The following ZNF366 variants were observed in gnomAD, a reference collection of about 807,000 sequenced individuals.
ZNF366 encodes dendritic cell-specific transcript protein.
In ZNF366, 20 loss-of-function variants were observed where a neutral mutation model predicts 47.2. The observed-to-expected ratio is 0.42, with a 90% CI of 0.30 to 0.62. ZNF366 has a LOEUF of 0.62. Ranked by LOEUF, ZNF366 falls within the 20% of genes least tolerant of loss-of-function variation. The pLI is 0.16. For missense variants in ZNF366, 987 were observed against 976.3 expected, an observed-to-expected ratio of 1.01 and a Z score of -0.15; for synonymous variants, 421 against 395.1, an observed-to-expected ratio of 1.07 and a Z score of -0.78.
intron 1 of ZNF366, among the ~76,000 whole-genome samples, chr5:72,479,642 T>C (rs966985488): frequency 6.6e-6 from 1 of 152,182 alleles, no homozygotes; most frequent in Non-Finnish European, 1.5e-5. Flanking sequence ...ATACTAATGA[T>C]GAATTTTTTA....
rs550142535 is a variant in ZNF366 at position 72,486,761 on chromosome 5, T to C, written c.-15+20490A>G. 9.2e-4 allele frequency among the ~76,000 whole-genome samples: 140 copies of C among 152,130 alleles called. 3 individuals are homozygous for C. The highest frequency in any genetic ancestry group is 6.8e-3 in the Middle Eastern group (2 of 294). ...GCCATTTGTTACTGCCTGGCTTATA[T>C]CTTTGTTCTTTTATTTTCCTTTTCT... On this transcript the variant is annotated intron_variant, in intron 1 of 4. Coordinates refer to ENST00000318442, the MANE Select transcript of ZNF366 (RefSeq NM_152625.3).
intron 1 of ZNF366, among the ~76,000 whole-genome samples, chr5:72,476,934 ATTT>A (rs371617717): frequency 2.7e-5 from 4 of 147,152 alleles, no homozygotes; most frequent in Non-Finnish European, 1.5e-5. Flanking sequence ...GGGCTGTGGG[ATTT>A]TTTTTTTTCA....
chr5:72,488,049 T>A (rs576091353), intron 1 of ZNF366, among the ~76,000 whole-genome samples: 1 of 151,756 alleles, frequency 6.6e-6, no homozygotes, highest in African/African-American at 2.4e-5. Flanking sequence ...CTACTAAAAA[T>A]ACAAAAAAAT....
intron 1 of ZNF366, among the ~76,000 whole-genome samples, chr5:72,462,515 C>CTTTT (rs1448317890): frequency 5.7e-5 from 4 of 70,702 alleles, no homozygotes. Context: ...AGTTTTCTTT[C>CTTTT]TTTCTTTCTT....
chr5:72,474,360 G>T (rs1030440551), intron 1 of ZNF366, among the ~76,000 whole-genome samples: 1 of 151,896 alleles, frequency 6.6e-6, no homozygotes, highest in South Asian at 2.1e-4. Flanking sequence ...ACACAAAGGA[G>T]AAAGGACAGG....
intron 1 of ZNF366, among the ~76,000 whole-genome samples, chr5:72,501,823 A>ATTTTTT (rs1400661328): frequency 6.6e-6 from 1 of 152,244 alleles, no homozygotes; most frequent in Non-Finnish European, 1.5e-5. Flanking sequence ...AATAAAATGC[A>ATTTTTT]ACAACAGTCT....
chr5:72,488,000 G>A (rs939317199), intron 1 of ZNF366, among the ~76,000 whole-genome samples: 6 of 152,110 alleles, frequency 3.9e-5, no homozygotes, highest in African/African-American at 1.4e-4. Flanking sequence ...GAGGTCAGGA[G>A]TTCGAGACCA....
At chr5:72,488,467 C>G (rs1743939536) in intron 1 of ZNF366, among the ~76,000 whole-genome samples, 1 of 152,168 alleles carries the variant, frequency 6.6e-6, no homozygotes, top group Non-Finnish European at 1.5e-5. Flanking sequence ...CAGAGTAACT[C>G]TTTTCTTATT....
chr5:72,441,095 A>T lies in ZNF366; in HGVS notation c.*2661T>A, dbSNP rs543868870. The T allele has an allele frequency of 6.6e-6, 1 of 152,258 alleles. No individual in the cohort carries two copies. Among genetic ancestry groups the T allele is most frequent in the African/African-American group, 2.4e-5 (1 of 41,558 alleles). The allele number at this position is 152,258 out of a possible 1,614,324, so 9.4% of individuals were successfully genotyped here. On this transcript the variant is annotated 3_prime_UTR_variant, in exon 5 of 5. Coordinates refer to ENST00000318442, the MANE Select transcript of ZNF366 (RefSeq NM_152625.3). Reference sequence around the variant, plus strand: ...GCCTAAAGATGACCTCTGGCTTCTCAAAACACAATCTGAAAACCACCATTC... The same window carrying T: ...GCCTAAAGATGACCTCTGGCTTCTCTAAACACAATCTGAAAACCACCATTC...
Position 72,443,904 on chromosome 5 carries a change from C to T in ZNF366, c.2087G>A (p.Arg696Lys), listed in dbSNP as rs150318032. The change falls in exon 5 of 5, where the codon AGA becomes AAA. Residue 696 changes from arginine (R) to lysine (K), a missense_variant. Physicochemically the swap from Arg to Lys is conservative, Grantham distance 26. Coordinates refer to ENST00000318442, the MANE Select transcript of ZNF366 (RefSeq NM_152625.3). ...AGCCCTGAGACTGAGACACTCATCT[C>T]TGCCGGCACAGTCTCTCTCCTGGCC... ...EGGQERDCAG[R>K]DECLSLRAFQ... 3.1e-6 allele frequency: 5 copies of T among 1,614,232 alleles called. No individual in the cohort carries two copies. In the East Asian group the frequency reaches 8.9e-5, roughly 29 times the overall value.
At chr5:72,457,320 C>T (rs979551986) in intron 2 of ZNF366, among the ~76,000 whole-genome samples, 2 of 152,196 alleles carry the variant, frequency 1.3e-5, no homozygotes, top group African/African-American at 4.8e-5. Context: ...TAATTGAGAG[C>T]ATTTCCAGGG....
In ZNF366 at chr5:72,447,428, TG is replaced by T. The variant is rs756738764; in HGVS notation, c.1525-12del. 20 of 1,613,966 alleles carry T rather than the reference TG, an allele frequency of 1.2e-5. No individual in the cohort carries two copies. The highest frequency in any genetic ancestry group is 1.7e-5 in the Non-Finnish European group (20 of 1,179,986). ...TTCCTTCCCACAAAGCTGTTGAAGA[TG>T]GGGATGAGAACACAGGTTACTCTGC... On this transcript the variant is annotated splice_polypyrimidine_tract_variant and intron_variant, in intron 3 of 4. Transcript: ENST00000318442.
intron 1 of ZNF366, among the ~76,000 whole-genome samples, chr5:72,472,793 G>C (rs1030969406): frequency 6.6e-6 from 1 of 152,094 alleles, no homozygotes. Flanking sequence ...GTCCTTCCCC[G>C]GGGCCCTAAT....
At chr5:72,490,308 C>T (rs765457537) in intron 1 of ZNF366, among the ~76,000 whole-genome samples, 11 of 152,198 alleles carry the variant, frequency 7.2e-5, no homozygotes, top group South Asian at 4.1e-4. Flanking sequence ...TAGAAAACCA[C>T]GTCTTTTGAG....
chr5:72,468,897 G>C (rs1039149125), intron 1 of ZNF366, among the ~76,000 whole-genome samples: 1 of 152,178 alleles, frequency 6.6e-6, no homozygotes, highest in African/African-American at 2.4e-5. Flanking sequence ...CTTATAGATG[G>C]TGCTCTAACT....
At chr5:72,474,673 CACAG>C (rs1179754333) in intron 1 of ZNF366, among the ~76,000 whole-genome samples, 7 of 151,860 alleles carry the variant, frequency 4.6e-5, no homozygotes, top group Non-Finnish European at 7.4e-5. Flanking sequence ...CACACACACA[CACAG>C]ACACACACAC....
intron 1 of ZNF366, among the ~76,000 whole-genome samples, chr5:72,504,828 A>G (rs773452827): frequency 6.6e-6 from 1 of 152,212 alleles, no homozygotes; most frequent in Admixed American, 6.5e-5. Flanking sequence ...TTTTATGCCG[A>G]TAGTTGTATT....
chr5:72,472,656 C>T, intron 1 of ZNF366: 1 of 749,178 alleles, frequency 1.3e-6, no homozygotes, highest in Non-Finnish European at 1.6e-6. Context: ...CAGAATTACA[C>T]ACTGCAAATA....
chr5:72,473,414 T>C (rs1467599378), intron 1 of ZNF366, among the ~76,000 whole-genome samples: 3 of 152,216 alleles, frequency 2.0e-5, no homozygotes, highest in East Asian at 1.9e-4. Flanking sequence ...TTATCTGATA[T>C]ATAGAGCAAA....
Sources: gnomAD v4.1 joint callset for allele counts (sites outside exome capture counted in the v4.1 genomes callset) on GRCh38, gnomAD v4.1.1 for gene constraint, MANE v1.5 for transcripts, NCBI Gene and HGNC (gene_info 2026-07-23, HGNC 2026-07-21) for gene names.